Variants in PAXBP1 observed in about 807,000 individuals in gnomAD.
PAXBP1 encodes PAX3 and PAX7 binding protein 1.
Under a neutral mutation model 119.9 loss-of-function variants are expected in PAXBP1, and 44 were observed. The ratio of observed to expected loss-of-function variants is 0.37; its 90% CI spans 0.29 to 0.47. PAXBP1 has a LOEUF of 0.47. Ranked by LOEUF, PAXBP1 falls within the 20% of genes least tolerant of loss-of-function variation. The probability of loss-of-function intolerance (pLI) is 0.99; values close to 1 mark genes in which losing one functional copy is unlikely to be tolerated. For missense variants in PAXBP1, 898 were observed against 1,134.1 expected (o/e 0.79, Z 2.99); for synonymous variants, 393 against 406.6 (o/e 0.97, Z 0.40).
chr21:32,755,609 A>G (rs2044031616), intron 7 of PAXBP1: 2 of 293,010 alleles, frequency 6.8e-6, no homozygotes, highest in Admixed American at 5.1e-5. Flanking sequence ...GTAACACTTC[A>G]GTATTCATAG....
chr21:32,771,293 G>A (rs201024974), intron 1 of PAXBP1, 33 bp downstream of exon 1: 7 of 1,538,998 alleles, frequency 4.5e-6, no homozygotes, highest in Middle Eastern at 2.0e-4. Flanking sequence ...CGGGGATGCG[G>A]CCGTCTAAGG....
chr21:32,758,972 T>C (rs2044090042), intron 7 of PAXBP1, 108 bp downstream of exon 7: 3 of 1,082,352 alleles, frequency 2.8e-6, no homozygotes, highest in South Asian at 1.6e-5. Flanking sequence ...ACTTCTAATG[T>C]TGAGTTCAGT....
At chr21:32,743,008 A>G in intron 15 of PAXBP1, 1 of 610,996 alleles carries the variant, frequency 1.6e-6, no homozygotes, top group Non-Finnish European at 3.1e-6. Context: ...ATTGTGGCTT[A>G]GTCAGGCATT....
chr21:32,771,406 C>A lies in PAXBP1; in HGVS notation c.263G>T (p.Gly88Val). ...GCGAGGCCTCTTGCGCGGCTTCAGC[C>A]CGTTGCCGGGCTCCGCGCCGCCGGG... Reference protein sequence around the residue: ...GFPGGAEPGNGLKPRKRPREN... With the variant: ...GFPGGAEPGNVLKPRKRPREN... Residue 88 changes from glycine to valine, a missense_variant, in exon 1 of 18, where the codon GGG becomes GTG. Physicochemically the swap from Gly to Val is moderately radical, Grantham distance 109 (BLOSUM62 -3). Transcript: ENST00000331923. 3 of 1,555,236 alleles carry A rather than the reference C, an allele frequency of 1.9e-6. No homozygotes were observed. Among genetic ancestry groups the A allele is most frequent in the South Asian group, 2.3e-5 (2 of 87,526 alleles).
rs199815719 is a variant in PAXBP1 at position 32,771,391 on chromosome 21, T to A, written c.278A>T (p.Lys93Met). The A allele has an allele frequency of 3.8e-6, 6 of 1,576,018 alleles. No individual in the cohort carries two copies. The African/African-American group carries it at 8.3e-5, about 22-fold the overall frequency. ...CACCTCTTTGTTCTCGCGAGGCCTC[T>A]TGCGCGGCTTCAGCCCGTTGCCGGG... is the stretch of plus-strand genomic sequence containing the variant. ...AEPGNGLKPR[K>M]RPRENKEVPR... Residue 93 changes from lysine (K) to methionine (M), a missense_variant, in exon 1 of 18, where the codon AAG becomes ATG. Transcript: ENST00000331923.
intron 14 of PAXBP1, 21 bp from the exon 15 acceptor site, chr21:32,743,335 CAT>C: frequency 6.8e-7 from 1 of 1,473,194 alleles, no homozygotes; most frequent in East Asian, 2.3e-5. Context: ...AAAAGAGAAA[CAT>C]ATCATGATCA....
intron 8 of PAXBP1, among the ~76,000 whole-genome samples, chr21:32,754,813 T>C (rs1385347934): frequency 1.3e-5 from 2 of 152,182 alleles, no homozygotes; most frequent in Non-Finnish European, 2.9e-5. Flanking sequence ...ACCCACAACA[T>C]GTCCCAGTCC....
intron 2 of PAXBP1, among the ~76,000 whole-genome samples, chr21:32,766,689 C>A (rs775317618): frequency 5.3e-5 from 8 of 152,220 alleles, no homozygotes; most frequent in Non-Finnish European, 1.0e-4. Flanking sequence ...CCAACCTAAC[C>A]CAATGGCTGC....
Position 32,759,225 on chromosome 21 carries a change from T to C in PAXBP1, c.1238A>G (p.His413Arg), listed in dbSNP as rs866215046. The stretch of plus-strand genomic sequence containing the variant: ...CACTCGGCTTTGCAGATGTTTCTCA[T>C]GCTGCTGTCGATTTGTTTTGTGCAA... ...KELHKTNRQQ[H>R]EKHLQSRVDS... The change falls in exon 7 of 18, where the codon CAT (histidine) becomes CGT (arginine). Residue 413 changes from histidine (H) to arginine (R), a missense_variant. By Grantham distance (29) the His-to-Arg change is conservative. This residue lies in a region of PAXBP1 where 599 missense variants were observed against 852.7 expected (regional missense o/e 0.70). Coordinates refer to ENST00000331923, the MANE Select transcript of PAXBP1 (RefSeq NM_016631.4). The C allele has an allele frequency of 2.5e-6, 4 of 1,613,948 alleles. No homozygotes were observed. In the African/African-American group the frequency reaches 4.0e-5, roughly 16 times the overall value.
rs762586001 is a variant in PAXBP1 at position 32,734,913 on chromosome 21, T to C, written c.*37A>G. 5 of 1,461,796 alleles carry C rather than the reference T, an allele frequency of 3.4e-6. No homozygotes were observed. In the East Asian group the frequency reaches 1.1e-4, roughly 33 times the overall value. 90.6% of individuals were successfully genotyped at this position (1,461,796 alleles called of 1,614,324 possible). On this transcript the variant is annotated 3_prime_UTR_variant, in exon 18 of 18. Coordinates refer to ENST00000331923, the MANE Select transcript of PAXBP1 (RefSeq NM_016631.4). Reference sequence around the variant, plus strand: ...ATATACAAAATTTACACATTGGGAATGGTAATCAAGCAAATAGGTTTTTCA... The same window carrying C: ...ATATACAAAATTTACACATTGGGAACGGTAATCAAGCAAATAGGTTTTTCA...
chr21:32,753,075 C>T (rs1483214985), intron 8 of PAXBP1, among the ~76,000 whole-genome samples: 1 of 152,144 alleles, frequency 6.6e-6, no homozygotes, highest in Non-Finnish European at 1.5e-5. Flanking sequence ...TGTGAGTTCA[C>T]TACACACCCC....
At chr21:32,744,760 A>T in intron 13 of PAXBP1, 32 bp downstream of exon 13, 1 of 1,532,828 alleles carries the variant, frequency 6.5e-7, no homozygotes, top group Non-Finnish European at 8.7e-7. Flanking sequence ...AAAGAGGAAA[A>T]AAAAAAAAGG....
At chr21:32,746,375 A>G (rs1361138213) in intron 11 of PAXBP1, among the ~76,000 whole-genome samples, 1 of 152,218 alleles carries the variant, frequency 6.6e-6, no homozygotes, top group Non-Finnish European at 1.5e-5. Context: ...CCATCTGACA[A>G]AGGTCTAATA....
intron 15 of PAXBP1, among the ~76,000 whole-genome samples, chr21:32,739,595 A>C (rs565759440): frequency 3.3e-4 from 50 of 152,284 alleles, no homozygotes; most frequent in Non-Finnish European, 6.3e-4. Context: ...GAGTAATCTT[A>C]AAAATGGTAA....
intron 14 of PAXBP1, 130 bp downstream of exon 14, chr21:32,743,548 C>T: frequency 2.6e-6 from 2 of 760,276 alleles, no homozygotes; most frequent in Non-Finnish European, 4.4e-6. Flanking sequence ...AATCTCGCCA[C>T]TAATCTAGTC....
Position 32,759,260 on chromosome 21 carries a change from G to A in PAXBP1, c.1203C>T (p.Ser401=). 5 of 1,613,568 alleles carry A rather than the reference G, an allele frequency of 3.1e-6. No homozygotes were observed. The highest frequency in any genetic ancestry group is 4.2e-6 in the Non-Finnish European group (5 of 1,179,748). ...GATTTGTTTTGTGCAATTCTTTCAT[G>A]GAGTCCAACCTTAGGAACACAAAAG... The part of the protein sequence containing the change: ...VKKQLKDRLD[S]MKELHKTNRQ... The change falls in exon 7 of 18, where the codon TCC becomes TCT. Residue 401 remains serine (S), a synonymous_variant. Transcript: ENST00000331923.
intron 17 of PAXBP1, 77 bp downstream of exon 17, chr21:32,737,177 C>G: frequency 8.9e-7 from 1 of 1,122,900 alleles, no homozygotes; most frequent in Non-Finnish European, 1.2e-6. Context: ...ATATAAACAT[C>G]TCTACTTAAA....
chr21:32,737,263 C>CT lies in PAXBP1; in HGVS notation c.2626dup (p.Arg876LysfsTer29). 6.6e-7 allele frequency: 1 copy of CT among 1,522,012 alleles called. No individual in the cohort carries two copies. The highest frequency in any genetic ancestry group is 8.8e-7 in the Non-Finnish European group (1 of 1,131,544). 94.3% of individuals were successfully genotyped at this position (1,522,012 alleles called of 1,614,324 possible). A position where few individuals can be genotyped will look rare whatever the true frequency, so the allele number is the denominator to read the frequency against. On this transcript the variant is annotated frameshift_variant, in exon 17 of 18. Transcript: ENST00000331923. LOFTEE classifies it high-confidence loss of function. Reference sequence around the variant, plus strand: ...TTAATTACAAAATTACCTTGCATTTCTTTTTTCCACATCAGAACACCCGAT... The same window carrying CT: ...TTAATTACAAAATTACCTTGCATTTCTTTTTTTCCACATCAGAACACCCGAT...
chr21:32,743,736 A>G lies in PAXBP1; in HGVS notation c.2209T>C (p.Leu737=), dbSNP rs1231230628. 6.3e-7 allele frequency: 1 copy of G among 1,593,610 alleles called. No individual in the cohort carries two copies. The highest frequency in any genetic ancestry group is 8.6e-7 in the Non-Finnish European group (1 of 1,165,640). ...TCTAAAGTTCTTCTCATTCTCAATAAAAGTGCCTTTAGGTATACCTAAAAA... is the reference window on the plus strand; with the variant it reads ...TCTAAAGTTCTTCTCATTCTCAATAGAAGTGCCTTTAGGTATACCTAAAAA... ...KNTQVYLKAL[L]LRMRRTLDDD... The change falls in exon 14 of 18, where the codon TTA becomes CTA. Residue 737 remains leucine (L), a synonymous_variant. Coordinates refer to ENST00000331923, the MANE Select transcript of PAXBP1 (RefSeq NM_016631.4).
Sources: gnomAD v4.1 joint callset for allele counts (sites outside exome capture counted in the v4.1 genomes callset) on GRCh38, gnomAD v4.1.1 for gene constraint, gnomAD v4.1.1 regional missense constraint, MANE v1.5 for transcripts, NCBI Gene and HGNC (gene_info 2026-07-23, HGNC 2026-07-21) for gene names.